Variants in CDKAL1 observed in about 807,000 individuals in gnomAD.
CDKAL1 encodes the protein threonylcarbamoyladenosine tRNA methylthiotransferase.
In CDKAL1, 32 loss-of-function variants were observed where a neutral mutation model predicts 68.2. The ratio of observed to expected loss-of-function variants is 0.47; its 90% CI spans 0.35 to 0.63. The LOEUF (loss-of-function observed/expected upper bound fraction) is 0.63, where lower values mean the gene tolerates loss of function less well. CDKAL1 is among the 30% of genes least tolerant of loss of function. The pLI is 0.00. For missense variants in CDKAL1, 606 were observed against 696.7 expected (o/e 0.87, Z 1.47); for synonymous variants, 234 against 244.3 (o/e 0.96, Z 0.39).
intron 7 of CDKAL1, among the ~76,000 whole-genome samples, chr6:20,773,561 T>G (rs540654935): frequency 6.6e-6 from 1 of 152,306 alleles, no homozygotes; most frequent in South Asian, 2.1e-4. Context: ...TTTTTATTTT[T>G]TTTTGAGGTG....
chr6:20,693,634 G>A (rs1770972394), intron 5 of CDKAL1, among the ~76,000 whole-genome samples: 1 of 152,176 alleles, frequency 6.6e-6, no homozygotes, highest in Non-Finnish European at 1.5e-5. Flanking sequence ...ACTGCACACA[G>A]CAGCAGCCTT....
intron 13 of CDKAL1, among the ~76,000 whole-genome samples, chr6:21,184,994 A>G (rs1193765286): frequency 4.6e-5 from 7 of 152,022 alleles, no homozygotes; most frequent in African/African-American, 1.7e-4. Context: ...AAGGTCTCTT[A>G]GTTCCTACAA....
At chr6:20,987,012 C>T (rs1766498881) in intron 10 of CDKAL1, among the ~76,000 whole-genome samples, 1 of 152,164 alleles carries the variant, frequency 6.6e-6, no homozygotes, top group African/African-American at 2.4e-5. Context: ...TGACCTTTCC[C>T]ATGATTGGCT....
intron 4 of CDKAL1, among the ~76,000 whole-genome samples, chr6:20,626,670 T>C (rs1246039057): frequency 6.6e-6 from 1 of 152,214 alleles, no homozygotes; most frequent in Non-Finnish European, 1.5e-5. Context: ...GGTAGATATC[T>C]GCCAACATTG....
chr6:21,037,010 G>A (rs961508721), intron 11 of CDKAL1, among the ~76,000 whole-genome samples: 2 of 152,176 alleles, frequency 1.3e-5, no homozygotes, highest in African/African-American at 4.8e-5. Context: ...GCTCATCATT[G>A]ATAAAGTTTG....
intron 4 of CDKAL1, among the ~76,000 whole-genome samples, chr6:20,607,699 C>CTTTTTTT (rs1189873867): frequency 6.8e-6 from 1 of 147,612 alleles, no homozygotes; most frequent in Non-Finnish European, 1.5e-5. Context: ...TTTCTTTTTT[C>CTTTTTTT]TTTTTTTTTT....
rs563107596 is a variant in CDKAL1, at chr6:21,012,221, C to T, written c.1055+11849C>T. ...GAACTTAGTCATATGGCCACACTTA[C>T]CTGCAAGAGAGGCTAAGAAAATTTA... is the stretch of plus-strand genomic sequence containing the variant. On this transcript the variant is annotated intron_variant, in intron 11 of 15. Transcript: ENST00000274695. Among the ~76,000 whole-genome samples, 53 of 152,322 alleles carry T rather than the reference C, an allele frequency of 3.5e-4. 1 individual carries two copies. Among genetic ancestry groups the T allele is most frequent in the African/African-American group, 1.2e-3 (49 of 41,566 alleles).
At chr6:21,145,386 AT>A (rs10708192) in intron 13 of CDKAL1, among the ~76,000 whole-genome samples, 2,598 of 152,214 alleles carry the variant, frequency 0.017, 70 homozygotes, top group African/African-American at 0.057. Flanking sequence ...ATGAGAAAAG[AT>A]TTTTTTCCCC....
At chr6:20,839,618 C>G (rs1778094713) in intron 8 of CDKAL1, among the ~76,000 whole-genome samples, 1 of 151,822 alleles carries the variant, frequency 6.6e-6, no homozygotes, top group African/African-American at 2.4e-5. Flanking sequence ...GTGTTTATAC[C>G]CTGTGTAGGG....
At chr6:20,666,602 G>A (rs1356837310) in intron 5 of CDKAL1, among the ~76,000 whole-genome samples, 1 of 151,816 alleles carries the variant, frequency 6.6e-6, no homozygotes, top group Non-Finnish European at 1.5e-5. Context: ...ACATTTTACA[G>A]CAGCTGATCC....
intron 5 of CDKAL1, among the ~76,000 whole-genome samples, chr6:20,697,864 C>T (rs1239898773): frequency 7.2e-5 from 11 of 152,144 alleles, no homozygotes; most frequent in Non-Finnish European, 5.9e-5. Flanking sequence ...GTATGGGTTT[C>T]TGATGAGAGT....
chr6:20,939,777 T>C (rs13191844), intron 9 of CDKAL1, among the ~76,000 whole-genome samples: 29 of 152,164 alleles, frequency 1.9e-4, no homozygotes, highest in Non-Finnish European at 3.7e-4. Flanking sequence ...TTGGTAATGA[T>C]AATTCATTTT....
intron 9 of CDKAL1, among the ~76,000 whole-genome samples, chr6:20,895,665 T>A (rs980692283): frequency 6.6e-6 from 1 of 152,158 alleles, no homozygotes; most frequent in Non-Finnish European, 1.5e-5. Context: ...ACATCTAACA[T>A]CAACAGTCGT....
chr6:20,862,502 A>G (rs1402700488), intron 9 of CDKAL1, among the ~76,000 whole-genome samples: 2 of 152,210 alleles, frequency 1.3e-5, no homozygotes, highest in African/African-American at 2.4e-5. Flanking sequence ...GAAAATGCTT[A>G]ATAAATGAAT....
intron 11 of CDKAL1, among the ~76,000 whole-genome samples, chr6:21,032,768 T>C (rs888851143): frequency 1.3e-5 from 2 of 152,280 alleles, no homozygotes; most frequent in East Asian, 1.9e-4. Flanking sequence ...AGCCTAGGCG[T>C]GTGGTAGGTT....
At chr6:20,998,339 C>T (rs1436138653) in intron 10 of CDKAL1, among the ~76,000 whole-genome samples, 3 of 152,106 alleles carry the variant, frequency 2.0e-5, no homozygotes, top group African/African-American at 4.8e-5. Context: ...AGGCCAGGCG[C>T]GGTGGCTCAC....
chr6:20,893,946 TTAA>T (rs1761542419), intron 9 of CDKAL1, among the ~76,000 whole-genome samples: 1 of 152,230 alleles, frequency 6.6e-6, no homozygotes, highest in Admixed American at 6.5e-5. Context: ...TTATTTTATG[TTAA>T]TAATGCAGTC....
At chr6:20,855,666 G>A (rs1487032649) in intron 9 of CDKAL1, among the ~76,000 whole-genome samples, 1 of 152,010 alleles carries the variant, frequency 6.6e-6, no homozygotes, top group East Asian at 1.9e-4. Flanking sequence ...TTGTGAGGTG[G>A]TATAGCTAGG....
At chr6:20,639,059 C>G (rs2127749310) in intron 4 of CDKAL1, among the ~76,000 whole-genome samples, 1 of 152,222 alleles carries the variant, frequency 6.6e-6, no homozygotes, top group East Asian at 1.9e-4. Context: ...CAACGTCTGT[C>G]TTGTACCTGA....
Sources: allele counts gnomAD v4.1 joint callset (sites outside exome capture counted in the v4.1 genomes callset), GRCh38; gene constraint gnomAD v4.1.1; transcripts MANE v1.5; gene names NCBI Gene and HGNC (gene_info 2026-07-23, HGNC 2026-07-21).